The following MYO16 variants were observed in gnomAD, a reference collection of about 807,000 sequenced individuals.
MYO16 encodes unconventional myosin-XVI.
Under a neutral mutation model 205.3 loss-of-function variants are expected in MYO16, and 94 were observed. The observed-to-expected ratio is 0.46, with a 90% confidence interval of 0.39 to 0.54. MYO16 has a LOEUF of 0.54. MYO16 is among the 20% of genes least tolerant of loss of function. The pLI is 0.00. For missense variants in MYO16, 2,315 were observed against 2,387.5 expected, an observed-to-expected ratio of 0.97 and a Z score of 0.63; for synonymous variants, 988 against 954.0, an observed-to-expected ratio of 1.04 and a Z score of -0.66.
intron 27 of MYO16, among the ~76,000 whole-genome samples, chr13:109,072,407 A>G (rs1346607275): frequency 6.6e-6 from 1 of 152,082 alleles, no homozygotes; most frequent in East Asian, 1.9e-4. Flanking sequence ...CCCATTTTAC[A>G]TTGTGTCCCC....
At chr13:109,099,957 C>T (rs892864238) in intron 27 of MYO16, among the ~76,000 whole-genome samples, 8 of 152,170 alleles carry the variant, frequency 5.3e-5, no homozygotes, top group Non-Finnish European at 8.8e-5. Context: ...TTTGGCATTG[C>T]GTTTCCTTCG....
At chr13:108,638,019 T>C (rs1880335993) in intron 1 of MYO16, among the ~76,000 whole-genome samples, 1 of 152,106 alleles carries the variant, frequency 6.6e-6, no homozygotes, top group Non-Finnish European at 1.5e-5. Context: ...CATCAACTAA[T>C]GTGAGAAAAA....
chr13:109,189,093 TA>T (rs921844782), intron 34 of MYO16, among the ~76,000 whole-genome samples: 3 of 146,416 alleles, frequency 2.0e-5, no homozygotes, highest in African/African-American at 5.1e-5. Context: ...AAATTCTGTC[TA>T]AAAAAAATGA....
Position 108,776,937 on chromosome 13 carries a change from G to A in MYO16, c.508-8698G>A, listed in dbSNP as rs574899606. On this transcript the variant is annotated intron_variant, in intron 4 of 34. Transcript: ENST00000457511. ...TGCCTCTGGGTGGAGAACAGTGGGT[G>A]TATGCCTTGAGAGCATCACAGACAC... Among the ~76,000 whole-genome samples the A allele has an allele frequency of 3.0e-4, 46 of 152,260 alleles. No individual in the cohort carries two copies. In the South Asian group the frequency reaches 9.1e-3, roughly 30 times the overall value.
rs551190427 is a variant in MYO16, at chr13:108,961,594, G to C, written c.2093G>C (p.Arg698Pro). 3.7e-6 allele frequency: 6 copies of C among 1,614,046 alleles called. No homozygotes were observed. The East Asian group carries it at 1.1e-4, about 30-fold the overall frequency. ...GCAATATTGCACCTTGGAGACATTC[G>C]GTTTACTGCCCTGAATGAGGGGAAC... ...LAAILHLGDI[R>P]FTALNEGNSA... The change falls in exon 18 of 35, where the codon CGG (arginine) becomes CCG (proline). Residue 698 changes from arginine (R) to proline (P), a missense_variant. Arg to Pro is a moderately radical substitution (Grantham distance 103). Around this residue, in one of 3 missense-constraint regions of MYO16, gnomAD observed 1,213 missense variants for 1,274.4 expected, o/e 0.95. Transcript: ENST00000457511.
At chr13:108,505,580 T>C in the MYO16 span, among the ~76,000 whole-genome samples, 2 of 152,180 alleles carry the variant, frequency 1.3e-5, no homozygotes, top group Non-Finnish European at 2.9e-5. Flanking sequence ...TATTAAATTT[T>C]TGTCAGATAT....
chr13:108,990,441 C>A (rs1264113905), intron 20 of MYO16, among the ~76,000 whole-genome samples: 1 of 152,056 alleles, frequency 6.6e-6, no homozygotes, highest in Non-Finnish European at 1.5e-5. Context: ...ACTTATCCTG[C>A]AAAGGAGTTT....
chr13:109,031,308 TCTTAAA>T (rs1274988902), intron 23 of MYO16, among the ~76,000 whole-genome samples: 3 of 152,104 alleles, frequency 2.0e-5, no homozygotes, highest in Non-Finnish European at 4.4e-5. Flanking sequence ...GCCAGGTTGG[TCTTAAA>T]CTCCTGATCT....
At chr13:109,097,872 G>T (rs1235591881) in intron 27 of MYO16, among the ~76,000 whole-genome samples, 3 of 152,180 alleles carry the variant, frequency 2.0e-5, no homozygotes, top group Non-Finnish European at 4.4e-5. Flanking sequence ...TTTTTGGCTA[G>T]CAAGATGATG....
At chr13:109,067,298 C>G (rs1171338239) in intron 27 of MYO16, among the ~76,000 whole-genome samples, 1 of 152,218 alleles carries the variant, frequency 6.6e-6, no homozygotes, top group Non-Finnish European at 1.5e-5. Context: ...TCAGTATTTA[C>G]TAGGCAATGG....
At chr13:108,862,549 T>A (rs1232271769) in intron 11 of MYO16, among the ~76,000 whole-genome samples, 2 of 151,934 alleles carry the variant, frequency 1.3e-5, no homozygotes, top group Non-Finnish European at 2.9e-5. Context: ...CCCCAGGGAG[T>A]GGGTGCATTT....
At chr13:108,603,391 G>T (rs936798001) in intron 1 of MYO16, among the ~76,000 whole-genome samples, 1 of 152,138 alleles carries the variant, frequency 6.6e-6, no homozygotes, top group Non-Finnish European at 1.5e-5. Flanking sequence ...TTGAACCAAA[G>T]TTGGGAAAAA....
intron 16 of MYO16, among the ~76,000 whole-genome samples, chr13:108,943,071 G>C (rs1882793741): frequency 6.6e-6 from 1 of 152,166 alleles, no homozygotes; most frequent in East Asian, 1.9e-4. Flanking sequence ...AGAAACAGTT[G>C]AATTTGCCGT....
intron 9 of MYO16, among the ~76,000 whole-genome samples, chr13:108,832,514 T>G (rs576157048): frequency 6.6e-6 from 1 of 152,122 alleles, no homozygotes; most frequent in South Asian, 2.1e-4. Flanking sequence ...AGAGTGGCCA[T>G]AGGTGCCCAT....
intron 28 of MYO16, among the ~76,000 whole-genome samples, chr13:109,116,950 G>A (rs139527788): frequency 2.6e-5 from 4 of 152,306 alleles, no homozygotes; most frequent in African/African-American, 7.2e-5. Flanking sequence ...AATCTGCACT[G>A]CTGAGGTACA....
chr13:108,862,758 G>A (rs576549889), intron 11 of MYO16, among the ~76,000 whole-genome samples: 71 of 152,208 alleles, frequency 4.7e-4, no homozygotes, highest in African/African-American at 1.6e-3. Context: ...ATTTGTATTG[G>A]TATTGCATTG....
intron 7 of MYO16, among the ~76,000 whole-genome samples, chr13:108,815,388 C>T (rs1194237777): frequency 3.9e-5 from 6 of 152,136 alleles, no homozygotes; most frequent in African/African-American, 1.4e-4. Context: ...CCAGTGTAAT[C>T]ACATGGGACC....
chr13:108,607,169 T>C (rs1878991154), intron 1 of MYO16, among the ~76,000 whole-genome samples: 1 of 152,210 alleles, frequency 6.6e-6, no homozygotes, highest in Admixed American at 6.5e-5. Context: ...TGGATAAGAC[T>C]GTGGACTTGG....
rs929191036 is a variant in MYO16 at position 109,085,901 on chromosome 13, CTT to C, written c.3336-14882_3336-14881del. On this transcript the variant is annotated intron_variant, in intron 27 of 34. Transcript: ENST00000457511. ...AACAGAAATGTGTGACGGAGAGAAA[CTT>C]TGAAATATCGTTATTAAATTTGACC... Among the ~76,000 whole-genome samples, 5 of 152,146 alleles carry C rather than the reference CTT, an allele frequency of 3.3e-5. 1 individual carries two copies. Among genetic ancestry groups the C allele is most frequent in the South Asian group, 4.1e-4 (2 of 4,824 alleles).
Sources: gnomAD v4.1 joint callset for allele counts (sites outside exome capture counted in the v4.1 genomes callset) on GRCh38, gnomAD v4.1.1 for gene constraint, gnomAD v4.1.1 regional missense constraint, MANE v1.5 for transcripts, NCBI Gene and HGNC (gene_info 2026-07-23, HGNC 2026-07-21) for gene names.